The following DENND5A variants were observed in gnomAD, a reference collection of about 807,000 sequenced individuals.
DENND5A encodes the protein DENN domain containing 5A, also known as DENN domain-containing protein 5A.
DENND5A carries 64 observed loss-of-function variants against 140.3 expected under a neutral mutation model. That is an observed-to-expected ratio of 0.46 (90% confidence interval 0.37 to 0.56). DENND5A has a LOEUF of 0.56. DENND5A is among the 20% of genes least tolerant of loss of function. The pLI is 0.00. For synonymous variants in DENND5A, 605 were observed against 607.7 expected (o/e 1.00, Z 0.07); for missense variants, 1,292 against 1,593.8 (o/e 0.81, Z 3.22).
chr11:9,189,001 G>A (rs887092176), intron 5 of DENND5A, among the ~76,000 whole-genome samples: 22 of 152,190 alleles, frequency 1.4e-4, no homozygotes, highest in Admixed American at 1.2e-3. Flanking sequence ...AGGTCTTCAC[G>A]GCAGCCCCTC....
chr11:9,258,606 G>A (rs1355675271), intron 1 of DENND5A, among the ~76,000 whole-genome samples: 1 of 151,758 alleles, frequency 6.6e-6, no homozygotes, highest in Non-Finnish European at 1.5e-5. Context: ...ACCTGGACTA[G>A]AAAAAAACTA....
At chr11:9,228,660 A>C (rs1428720059) in intron 1 of DENND5A, among the ~76,000 whole-genome samples, 1 of 151,508 alleles carries the variant, frequency 6.6e-6, no homozygotes, top group Non-Finnish European at 1.5e-5. Context: ...CAGAGGTTGC[A>C]GTGAGCCGAG....
At position 9,211,090 on chromosome 11, in the gene DENND5A, T is replaced by C. The variant is rs572013754; in HGVS notation, c.110-3458A>G. Among the ~76,000 whole-genome samples the C allele has an allele frequency of 2.5e-3, 377 of 151,836 alleles. 2 individuals carry two copies. Among genetic ancestry groups the C allele is most frequent in the Non-Finnish European group, 4.2e-3 (283 of 67,944 alleles). On this transcript the variant is annotated intron_variant, in intron 1 of 22. Coordinates refer to ENST00000328194, the MANE Select transcript of DENND5A (RefSeq NM_015213.4). Reference sequence around the variant, plus strand: ...AAAGAAGGTAATGATACTGGGTGAGTTTCCCTTTTTTATGGCTTCCAGTCA... The same window carrying C: ...AAAGAAGGTAATGATACTGGGTGAGCTTCCCTTTTTTATGGCTTCCAGTCA...
In DENND5A at chr11:9,178,290, G is replaced by A. The variant is rs1564898652; in HGVS notation, c.1748C>T (p.Ser583Phe). 1 of 1,614,058 alleles carries A rather than the reference G, an allele frequency of 6.2e-7. No homozygotes were observed. The highest frequency in any genetic ancestry group is 1.7e-5 in the Admixed American group (1 of 60,012). Residue 583 changes from serine to phenylalanine, a missense_variant, in exon 8 of 23, where the codon TCT becomes TTT. Physicochemically the swap from Ser to Phe is radical, Grantham distance 155. Around this residue, in one of 4 missense-constraint regions of DENND5A, gnomAD observed 199 missense variants for 189.1 expected, o/e 1.05. Coordinates refer to ENST00000328194, the MANE Select transcript of DENND5A (RefSeq NM_015213.4). ...SRFLETQMFASFIDNKIMCHD... is the reference protein window; with the variant it reads ...SRFLETQMFAFFIDNKIMCHD... Reference sequence around the variant, plus strand: ...ACACATTATTTTGTTGTCAATGAAAGATGCAAACATCTGGGTCTCCAGGAA... The same window carrying A: ...ACACATTATTTTGTTGTCAATGAAAAATGCAAACATCTGGGTCTCCAGGAA...
intron 1 of DENND5A, among the ~76,000 whole-genome samples, chr11:9,208,421 GA>G (rs1849763963): frequency 6.6e-6 from 1 of 152,144 alleles, no homozygotes; most frequent in South Asian, 2.1e-4. Context: ...GGTTATTAAG[GA>G]AAATGCATTC....
chr11:9,152,238 A>G, intron 13 of DENND5A, 120 bp downstream of exon 13: 1 of 791,362 alleles, frequency 1.3e-6, no homozygotes, highest in Non-Finnish European at 2.2e-6. Context: ...TATTTAAAAG[A>G]GAAAACATTC....
intron 1 of DENND5A, among the ~76,000 whole-genome samples, chr11:9,263,873 A>G (rs1852326020): frequency 7.0e-6 from 1 of 143,064 alleles, no homozygotes; most frequent in Non-Finnish European, 1.6e-5. Flanking sequence ...AAAAAAAAAG[A>G]AACACTGGAC....
chr11:9,173,162 T>C (rs1475856608), intron 8 of DENND5A, among the ~76,000 whole-genome samples: 1 of 152,012 alleles, frequency 6.6e-6, no homozygotes, highest in African/African-American at 2.4e-5. Flanking sequence ...AGGAAAAAGC[T>C]ATTAACCTAT....
At chr11:9,232,525 A>G (rs1231457048) in intron 1 of DENND5A, among the ~76,000 whole-genome samples, 1 of 152,296 alleles carries the variant, frequency 6.6e-6, no homozygotes, top group East Asian at 1.9e-4. Flanking sequence ...AAATAATACA[A>G]TACTATTATA....
intron 8 of DENND5A, among the ~76,000 whole-genome samples, chr11:9,177,496 AAT>A (rs1491242813): frequency 1.4e-5 from 2 of 142,464 alleles, no homozygotes; most frequent in African/African-American, 5.4e-5. Context: ...AAAAAAAAAA[AAT>A]TTTTTAATTA....
At chr11:9,196,627 T>C (rs1285607542) in intron 4 of DENND5A, among the ~76,000 whole-genome samples, 1 of 152,122 alleles carries the variant, frequency 6.6e-6, no homozygotes, top group African/African-American at 2.4e-5. Flanking sequence ...ATTATTTTAT[T>C]GGAGACAGGG....
At chr11:9,205,827 G>A (rs185358110) in intron 3 of DENND5A, among the ~76,000 whole-genome samples, 1 of 152,296 alleles carries the variant, frequency 6.6e-6, no homozygotes, top group Admixed American at 6.5e-5. Context: ...AGCTCAGGAG[G>A]ATGAGGCTGC....
At chr11:9,207,460 CAAGA>C in intron 2 of DENND5A, 97 bp downstream of exon 2, 2 of 864,918 alleles carry the variant, frequency 2.3e-6, no homozygotes, top group African/African-American at 1.7e-5. Flanking sequence ...AAAAAAGGCA[CAAGA>C]AAGTTAGAAG....
intron 5 of DENND5A, among the ~76,000 whole-genome samples, chr11:9,191,658 G>A (rs1315708588): frequency 6.6e-6 from 1 of 152,194 alleles, no homozygotes; most frequent in Non-Finnish European, 1.5e-5. Context: ...GAACAACGTT[G>A]AAAAATCCTA....
chr11:9,240,019 A>T (rs1294676949), intron 1 of DENND5A, among the ~76,000 whole-genome samples: 1 of 152,202 alleles, frequency 6.6e-6, no homozygotes, highest in Non-Finnish European at 1.5e-5. Flanking sequence ...CGCCCTCTAT[A>T]GTAAATTTTC....
intron 15 of DENND5A, among the ~76,000 whole-genome samples, chr11:9,149,240 G>C (rs917824674): frequency 6.6e-6 from 1 of 152,210 alleles, no homozygotes; most frequent in African/African-American, 2.4e-5. Flanking sequence ...TTGGGGGCTA[G>C]CTGGAAATCC....
At chr11:9,148,759 TG>T (rs1381930129) in intron 15 of DENND5A, among the ~76,000 whole-genome samples, 3 of 152,212 alleles carry the variant, frequency 2.0e-5, no homozygotes, top group African/African-American at 7.2e-5. Flanking sequence ...TTGTTCTCTC[TG>T]AGCTAAAGAT....
intron 4 of DENND5A, among the ~76,000 whole-genome samples, chr11:9,198,254 A>G (rs1272535448): frequency 6.6e-6 from 1 of 152,004 alleles, no homozygotes; most frequent in African/African-American, 2.4e-5. Flanking sequence ...CACTACAAAA[A>G]TCTAGAAGTA....
chr11:9,208,133 A>G lies in DENND5A; in HGVS notation c.110-501T>C, dbSNP rs558647868. The stretch of plus-strand genomic sequence containing the variant: ...GAAATCTATACCTGTTTACTGAGTA[A>G]TCAAGGGACTTAGATATTGTGAGGA... On this transcript the variant is annotated intron_variant, in intron 1 of 22. Transcript: ENST00000328194. 7.2e-5 allele frequency among the ~76,000 whole-genome samples: 11 copies of G among 152,360 alleles called. No individual in the cohort carries two copies. In the South Asian group the frequency reaches 1.7e-3, roughly 23 times the overall value.
Sources: gnomAD v4.1 joint callset for allele counts (sites outside exome capture counted in the v4.1 genomes callset) on GRCh38, gnomAD v4.1.1 for gene constraint, gnomAD v4.1.1 regional missense constraint, MANE v1.5 for transcripts, NCBI Gene and HGNC (gene_info 2026-07-23, HGNC 2026-07-21) for gene names.